CYP4F11: variants seen among roughly 807,000 people sequenced by gnomAD.
CYP4F11 encodes the protein cytochrome P450 family 4 subfamily F member 11.
In CYP4F11, 79 loss-of-function variants were observed where a neutral mutation model predicts 62.2. The ratio of observed to expected loss-of-function variants is 1.27; its 90% CI spans 1.06 to 1.53. The LOEUF (loss-of-function observed/expected upper bound fraction) is 1.53. Among genes scored for constraint, CYP4F11 ranks in the 40% most tolerant of loss-of-function variants. CYP4F11 has a pLI of 0.00. For synonymous variants in CYP4F11, 290 were observed against 263.7 expected (o/e 1.10, Z -0.97); for missense variants, 777 against 680.5 (o/e 1.14, Z -1.58).
At chr19:15,919,305 A>C (rs2089605147) in intron 8 of CYP4F11, among the ~76,000 whole-genome samples, 1 of 149,712 alleles carries the variant, frequency 6.7e-6, no homozygotes, top group South Asian at 2.1e-4. Context: ...TATAAATAAA[A>C]TACATAGTAT....
chr19:15,924,986 T>C (rs1321328976), intron 4 of CYP4F11, 104 bp from the exon 5 acceptor site: 1 of 1,330,186 alleles, frequency 7.5e-7, no homozygotes, highest in Non-Finnish European at 9.9e-7. Flanking sequence ...CTCCTGGTCC[T>C]CTGCCCCAGG....
At position 15,933,732 on chromosome 19, in the gene CYP4F11, A is replaced by G. The variant is rs557253871; in HGVS notation, c.198+479T>C. 1.3e-3 allele frequency among the ~76,000 whole-genome samples: 20 copies of G among 14,818 alleles called. 4 individuals carry two copies. Among genetic ancestry groups the G allele is most frequent in the African/African-American group, 4.0e-3 (17 of 4,248 alleles). The allele number at this position is 14,818 out of a possible 152,430, so 9.7% of individuals were successfully genotyped here. ...GAAGAATGAGTGAGTGAGGAGAGGAATGAGTGAGTGAGGAGAAGAATGAGT... is the reference window on the plus strand; with the variant it reads ...GAAGAATGAGTGAGTGAGGAGAGGAGTGAGTGAGTGAGGAGAAGAATGAGT... On this transcript the variant is annotated intron_variant, in intron 1 of 11. Transcript: ENST00000402119.
intron 1 of CYP4F11, among the ~76,000 whole-genome samples, chr19:15,931,541 CGGGGAGAGGAATGAGT>C (rs2089717527): frequency 4.1e-5 from 3 of 73,270 alleles, no homozygotes; most frequent in South Asian, 5.0e-4. Flanking sequence ...AATGAGTGAG[CGGGGAGAGGAATGAGT>C]GAGCGAGGAG....
intron 11 of CYP4F11, 75 bp downstream of exon 11, chr19:15,914,230 C>A: frequency 6.7e-7 from 1 of 1,502,162 alleles, no homozygotes; most frequent in East Asian, 2.3e-5. Flanking sequence ...GGAACTGGGA[C>A]CATCTGTAAC....
In CYP4F11 at chr19:15,924,651, C is replaced by T. The variant is rs184334656; in HGVS notation, c.647+110G>A. ...TCCTTCAAAGCCCAGCTATGACACA[C>T]AGAAAGTGCCTTCAGAAAGGCACTT... On this transcript the variant is annotated intron_variant, in intron 5 of 11. Coordinates refer to ENST00000402119, the MANE Select transcript of CYP4F11 (RefSeq NM_021187.4). The T allele has an allele frequency of 1.3e-5, 17 of 1,336,420 alleles. No homozygotes were observed. In the East Asian group the frequency reaches 3.7e-4, roughly 29 times the overall value. 82.8% of individuals were successfully genotyped at this position (1,336,420 alleles called of 1,614,324 possible).
chr19:15,912,661 T>C lies in CYP4F11; in HGVS notation c.*1071A>G. ...CTCACACAGTCAGGTACCTTCACCA[T>C]CCTCAGGAAAAAAAAAAAAATATAT... On this transcript the variant is annotated 3_prime_UTR_variant, in exon 12 of 12. Coordinates refer to ENST00000402119, the MANE Select transcript of CYP4F11 (RefSeq NM_021187.4). The C allele has an allele frequency of 3.8e-5, 2 of 52,382 alleles. No individual in the cohort carries two copies. The highest frequency in any genetic ancestry group is 1.9e-4 in the Admixed American group (1 of 5,144). 3.2% of individuals were successfully genotyped at this position (52,382 alleles called of 1,614,324 possible). A position where few individuals can be genotyped will look rare whatever the true frequency, so the allele number is the denominator to read the frequency against.
At chr19:15,926,322 C>T (rs1469857988) in intron 4 of CYP4F11, among the ~76,000 whole-genome samples, 1 of 152,168 alleles carries the variant, frequency 6.6e-6, no homozygotes, top group Non-Finnish European at 1.5e-5. Context: ...GCTTGCTATG[C>T]CGTGAGTAAT....
At position 15,929,520 on chromosome 19, in the gene CYP4F11, G is replaced by A; in HGVS notation, c.280C>T (p.Pro94Ser). The change falls in exon 2 of 12, where the codon CCT becomes TCT. Residue 94 changes from proline to serine, a missense_variant. Coordinates refer to ENST00000402119, the MANE Select transcript of CYP4F11 (RefSeq NM_021187.4). Reference sequence around the variant, plus strand: ...CATAAAATGAGGAGGGGGAAGGTAGGACCCAGCCACAACTTAAAGCCCTGG... The same window carrying A: ...CATAAAATGAGGAGGGGGAAGGTAGAACCCAGCCACAACTTAAAGCCCTGG... Reference protein sequence around the residue: ...YPQGFKLWLGPTFPLLILCHP... With the variant: ...YPQGFKLWLGSTFPLLILCHP... The A allele has an allele frequency of 1.2e-6, 2 of 1,613,988 alleles. No homozygotes were observed. Among genetic ancestry groups the A allele is most frequent in the Non-Finnish European group, 1.7e-6 (2 of 1,179,908 alleles).
intron 2 of CYP4F11, 43 bp from the exon 3 acceptor site, chr19:15,927,526 G>C (rs2089679957): frequency 1.9e-6 from 3 of 1,611,308 alleles, no homozygotes; most frequent in Non-Finnish European, 2.5e-6. Flanking sequence ...AGAGGGGTGA[G>C]AGAAGGACTT....
intron 8 of CYP4F11, among the ~76,000 whole-genome samples, chr19:15,916,947 G>A (rs113623857): frequency 7.2e-5 from 11 of 152,212 alleles, no homozygotes; most frequent in Non-Finnish European, 1.2e-4. Context: ...AAAAGAAGTC[G>A]TTATATGAAA....
At chr19:15,926,453 C>T (rs1599378186) in intron 4 of CYP4F11, among the ~76,000 whole-genome samples, 1 of 152,170 alleles carries the variant, frequency 6.6e-6, no homozygotes, top group East Asian at 1.9e-4. Flanking sequence ...TCACAAAATC[C>T]CAACTCCCAA....
At position 15,924,787 on chromosome 19, in the gene CYP4F11, G is replaced by C. The variant is rs1363325213; in HGVS notation, c.621C>G (p.Val207=). The C allele has an allele frequency of 1.9e-6, 3 of 1,612,762 alleles. No homozygotes were observed. Among genetic ancestry groups the C allele is most frequent in the Non-Finnish European group, 2.5e-6 (3 of 1,179,156 alleles). Residue 207 remains valine (V), a synonymous_variant, in exon 5 of 12, where the codon GTC becomes GTG. Coordinates refer to ENST00000402119, the MANE Select transcript of CYP4F11 (RefSeq NM_021187.4). ...CCTGACAATTGCTTTCAAAGCTGAA[G>C]ACACATTTCTGCAGACTGTCCAAGG... ...LMTLDSLQKC[V]FSFESNCQEK...
chr19:15,931,066 A>C (rs749738710), intron 1 of CYP4F11, among the ~76,000 whole-genome samples: 1 of 152,232 alleles, frequency 6.6e-6, no homozygotes, highest in Non-Finnish European at 1.5e-5. Context: ...CTGCGGAGTC[A>C]AGGACAGCTT....
At chr19:15,915,107 C>G (rs890460899) in intron 8 of CYP4F11, among the ~76,000 whole-genome samples, 1 of 152,076 alleles carries the variant, frequency 6.6e-6, no homozygotes, top group Non-Finnish European at 1.5e-5. Context: ...AAAGATTATT[C>G]TGAGGAAAAC....
At chr19:15,919,223 A>T (rs1048840957) in intron 8 of CYP4F11, among the ~76,000 whole-genome samples, 1 of 148,062 alleles carries the variant, frequency 6.8e-6, no homozygotes, top group Non-Finnish European at 1.5e-5. Flanking sequence ...TATTAAATTA[A>T]ATAAATATGT....
chr19:15,922,498 C>T, intron 6 of CYP4F11, 68 bp from the exon 7 acceptor site: 1 of 1,523,650 alleles, frequency 6.6e-7, no homozygotes, highest in East Asian at 2.3e-5. Flanking sequence ...TGAGTCAAAC[C>T]TAAGATAATT....
chr19:15,934,168 C>T (rs1345335849), intron 1 of CYP4F11, 43 bp downstream of exon 1: 2 of 1,600,550 alleles, frequency 1.2e-6, no homozygotes, highest in African/African-American at 2.7e-5. Context: ...TCAGGAACTC[C>T]ATGCATCCTG....
chr19:15,920,024 A>C lies in CYP4F11; in HGVS notation c.1115+2013T>G, dbSNP rs192796009. 1.7e-3 allele frequency among the ~76,000 whole-genome samples: 255 copies of C among 152,310 alleles called. 1 individual carries two copies. Among genetic ancestry groups the C allele is most frequent in the African/African-American group, 5.1e-3 (214 of 41,572 alleles). On this transcript the variant is annotated intron_variant, in intron 8 of 11. Transcript: ENST00000402119. ...ATTATATGCATGGTGACTACAGTTA[A>C]TAATAATAGATTATGTTTTCCAAAA...
chr19:15,929,720 A>G, intron 1 of CYP4F11, 119 bp from the exon 2 acceptor site: 1 of 1,170,184 alleles, frequency 8.5e-7, no homozygotes, highest in Non-Finnish European at 1.2e-6. Context: ...CTGGTAAAAC[A>G]TTATTTCTGG....
Sources: gnomAD v4.1 joint callset for allele counts (sites outside exome capture counted in the v4.1 genomes callset) on GRCh38, gnomAD v4.1.1 for gene constraint, MANE v1.5 for transcripts, NCBI Gene and HGNC (gene_info 2026-07-23, HGNC 2026-07-21) for gene names.